LUZP2: variants seen among roughly 807,000 people sequenced by gnomAD.
The protein encoded by LUZP2 is leucine zipper protein 2.
Under a neutral mutation model 51.6 loss-of-function variants are expected in LUZP2, and 52 were observed. That is an observed-to-expected ratio of 1.01 (90% CI 0.81 to 1.27). LUZP2 has a LOEUF of 1.27. LUZP2 is among the 50% of genes most tolerant of loss of function. The pLI, the probability that LUZP2 is intolerant of heterozygous loss-of-function variation, is 0.00. For synonymous variants in LUZP2, 154 were observed against 137.3 expected (o/e 1.12, Z -0.85); for missense variants, 436 against 395.4 (o/e 1.10, Z -0.87).
Position 25,080,370 on chromosome 11 carries a change from CT to C in LUZP2, c.*1713del, listed in dbSNP as rs1325053157. 10 of 152,256 alleles carry C rather than the reference CT, an allele frequency of 6.6e-5. No homozygotes were observed. The highest frequency in any genetic ancestry group is 2.4e-4 in the African/African-American group (10 of 41,556). The allele number at this position is 152,256 out of a possible 1,614,324, so 9.4% of individuals were successfully genotyped here. Reference sequence around the variant, plus strand: ...GGGCTATGATTTTCCATTTAGGTATCTGAAATGCATTTCAGACTTACAATGT... The same window carrying C: ...GGGCTATGATTTTCCATTTAGGTATCGAAATGCATTTCAGACTTACAATGT... On this transcript the variant is annotated 3_prime_UTR_variant, in exon 12 of 12. Coordinates refer to ENST00000336930, the MANE Select transcript of LUZP2 (RefSeq NM_001009909.4).
intron 1 of LUZP2, among the ~76,000 whole-genome samples, chr11:24,519,210 ACAAAT>A (rs1850565633): frequency 6.6e-6 from 1 of 152,098 alleles, no homozygotes; most frequent in Non-Finnish European, 1.5e-5. Flanking sequence ...TATTTTGACT[ACAAAT>A]CTTATTTTCT....
chr11:24,538,417 A>G (rs886756541), intron 1 of LUZP2, among the ~76,000 whole-genome samples: 1 of 151,802 alleles, frequency 6.6e-6, no homozygotes, highest in Admixed American at 6.6e-5. Context: ...TTCTTAGGAC[A>G]TAAAAAGCAT....
chr11:25,032,022 A>G lies in LUZP2; in HGVS notation c.766-18016A>G, dbSNP rs568638814. On this transcript the variant is annotated intron_variant, in intron 9 of 11. Transcript: ENST00000336930. ...CTAAAAATTGGACAGGGAGGGCAAAAGGAGGGCATCGTGACTATGGACAGC... is the reference window on the plus strand; with the variant it reads ...CTAAAAATTGGACAGGGAGGGCAAAGGGAGGGCATCGTGACTATGGACAGC... 2.0e-5 allele frequency among the ~76,000 whole-genome samples: 3 copies of G among 152,230 alleles called. No individual in the cohort carries two copies. In the South Asian group the frequency reaches 6.2e-4, roughly 32 times the overall value.
intron 9 of LUZP2, among the ~76,000 whole-genome samples, chr11:25,021,038 T>C (rs1398822125): frequency 6.6e-6 from 1 of 152,118 alleles, no homozygotes; most frequent in Non-Finnish European, 1.5e-5. Flanking sequence ...TAAGATTTTA[T>C]ATGTAAGATG....
chr11:25,049,930 TA>T, intron 9 of LUZP2, 107 bp from the exon 10 acceptor site: 1 of 478,712 alleles, frequency 2.1e-6, no homozygotes, highest in Non-Finnish European at 3.6e-6. Context: ...AATGTTGCTA[TA>T]ATATTATATC....
At chr11:24,825,408 C>G (rs1166965015) in intron 5 of LUZP2, among the ~76,000 whole-genome samples, 1 of 152,126 alleles carries the variant, frequency 6.6e-6, no homozygotes, top group Non-Finnish European at 1.5e-5. Context: ...ATTTTCCCCT[C>G]TTCTGATCCT....
chr11:24,703,985 A>G (rs1857495177), intron 1 of LUZP2, among the ~76,000 whole-genome samples: 1 of 152,216 alleles, frequency 6.6e-6, no homozygotes, highest in African/African-American at 2.4e-5. Flanking sequence ...GAATTATAGA[A>G]AAAAGAATGA....
intron 5 of LUZP2, among the ~76,000 whole-genome samples, chr11:24,847,975 C>T (rs1047465247): frequency 6.6e-6 from 1 of 152,068 alleles, no homozygotes; most frequent in Admixed American, 6.6e-5. Context: ...AGAATACTCC[C>T]TTAATTTCTG....
At chr11:24,681,584 C>T (rs942262146) in intron 1 of LUZP2, among the ~76,000 whole-genome samples, 3 of 152,156 alleles carry the variant, frequency 2.0e-5, no homozygotes, top group Non-Finnish European at 2.9e-5. Flanking sequence ...TCTAACATAT[C>T]TGTTCTAATT....
chr11:24,813,599 G>A (rs1163642042), intron 5 of LUZP2, among the ~76,000 whole-genome samples: 1 of 152,196 alleles, frequency 6.6e-6, no homozygotes, highest in African/African-American at 2.4e-5. Context: ...TCAACAAGGG[G>A]ATGGCCCAAG....
rs551067240 is a variant in LUZP2 at position 24,898,738 on chromosome 11, C to T, written c.397-7253C>T. Among the ~76,000 whole-genome samples, 6 of 152,104 alleles carry T rather than the reference C, an allele frequency of 3.9e-5. No homozygotes were observed. In the South Asian group the frequency reaches 1.0e-3, roughly 26 times the overall value. ...AAAATAAGATTTTTAAAAGACATTT[C>T]TAGTCTCATATGAATACTACAAATT... On this transcript the variant is annotated intron_variant, in intron 5 of 11. Transcript: ENST00000336930.
intron 7 of LUZP2, among the ~76,000 whole-genome samples, chr11:24,933,358 G>A (rs1175382428): frequency 6.6e-6 from 1 of 152,128 alleles, no homozygotes; most frequent in East Asian, 1.9e-4. Context: ...ATTTTCGCTG[G>A]AATCTCAAAG....
At chr11:24,614,133 T>C (rs1854211990) in intron 1 of LUZP2, among the ~76,000 whole-genome samples, 1 of 152,014 alleles carries the variant, frequency 6.6e-6, no homozygotes, top group African/African-American at 2.4e-5. Flanking sequence ...TTGAATGGAT[T>C]CTACCTTTAA....
Position 24,505,364 on chromosome 11 carries a change from A to G in LUZP2, c.62+8059A>G, listed in dbSNP as rs569294184. On this transcript the variant is annotated intron_variant, in intron 1 of 11. Coordinates refer to ENST00000336930, the MANE Select transcript of LUZP2 (RefSeq NM_001009909.4). ...TTAAATCCAAAAGAATCCAAGCTCAAACGGAGACTCTGAATCAGCCTTCCT... is the reference window on the plus strand; with the variant it reads ...TTAAATCCAAAAGAATCCAAGCTCAGACGGAGACTCTGAATCAGCCTTCCT... Among the ~76,000 whole-genome samples the G allele has an allele frequency of 1.9e-3, 287 of 152,276 alleles. 2 individuals carry two copies. The highest frequency in any genetic ancestry group is 6.5e-3 in the African/African-American group (272 of 41,550).
At chr11:24,862,379 G>T (rs1284450697) in intron 5 of LUZP2, among the ~76,000 whole-genome samples, 2 of 152,140 alleles carry the variant, frequency 1.3e-5, no homozygotes, top group East Asian at 1.9e-4. Flanking sequence ...GGCATGCCCT[G>T]CAAGAGCTCC....
At chr11:24,788,054 T>TACTTAAATTC (rs546700673) in intron 5 of LUZP2, among the ~76,000 whole-genome samples, 1,833 of 152,276 alleles carry the variant, frequency 0.012, 20 homozygotes, top group Admixed American at 0.019. Context: ...GACCCATGTC[T>TACTTAAATTC]ACTTAAATTC....
At chr11:24,816,106 A>G (rs1850174327) in intron 5 of LUZP2, among the ~76,000 whole-genome samples, 1 of 151,916 alleles carries the variant, frequency 6.6e-6, no homozygotes, top group South Asian at 2.1e-4. Context: ...TAAGAAGGAC[A>G]TTATATTTAG....
intron 5 of LUZP2, chr11:24,891,664 A>G: frequency 1.3e-6 from 1 of 763,816 alleles, no homozygotes. Flanking sequence ...GAATTCTATC[A>G]GGAATAACAC....
intron 3 of LUZP2, among the ~76,000 whole-genome samples, chr11:24,733,828 G>C (rs1226113424): frequency 6.6e-6 from 1 of 151,616 alleles, no homozygotes; most frequent in Non-Finnish European, 1.5e-5. Flanking sequence ...CTCAGGTTAG[G>C]AATGGAGAAT....
Sources: allele counts gnomAD v4.1 joint callset (sites outside exome capture counted in the v4.1 genomes callset), GRCh38; gene constraint gnomAD v4.1.1; transcripts MANE v1.5; gene names NCBI Gene and HGNC (gene_info 2026-07-23, HGNC 2026-07-21).